SNX29: variants seen among roughly 807,000 people sequenced by gnomAD.
SNX29 encodes sorting nexin-29.
A neutral mutation model predicts 102.1 loss-of-function variants in SNX29; 78 were observed. That is an observed-to-expected ratio of 0.76 (90% CI 0.64 to 0.92). SNX29 has a LOEUF of 0.92. SNX29 is among the 40% of genes least tolerant of loss of function. The pLI is 0.00. For missense variants in SNX29, 1,280 were observed against 1,061.7 expected (o/e 1.21, Z -2.86); for synonymous variants, 580 against 414.5 (o/e 1.40, Z -4.85).
rs1268129239 is a variant in SNX29, at chr16:12,489,417, G to A, written c.2178+11558G>A. Among the ~76,000 whole-genome samples the A allele has an allele frequency of 2.0e-5, 3 of 152,286 alleles. No homozygotes were observed. The East Asian group carries it at 5.8e-4, about 29-fold the overall frequency. ...CTCGTCCTTCTCTGCAGTGTCATGG[G>A]CCACTTGCATCTTTAGAAACCATGC... On this transcript the variant is annotated intron_variant, in intron 19 of 20. Coordinates refer to ENST00000566228, the MANE Select transcript of SNX29 (RefSeq NM_032167.5).
chr16:12,481,894 A>T (rs1278666438), intron 19 of SNX29, among the ~76,000 whole-genome samples: 12 of 152,152 alleles, frequency 7.9e-5, no homozygotes, highest in Non-Finnish European at 1.8e-4. Context: ...TTTGGCTAAG[A>T]CATACCCACT....
intron 20 of SNX29, among the ~76,000 whole-genome samples, chr16:12,540,217 C>T (rs183606477): frequency 6.6e-6 from 1 of 152,222 alleles, no homozygotes; most frequent in Non-Finnish European, 1.5e-5. Flanking sequence ...TCAAGGTTAA[C>T]CTACTTCCTG....
intron 16 of SNX29, among the ~76,000 whole-genome samples, chr16:12,384,029 A>G (rs571489909): frequency 6.6e-6 from 1 of 152,226 alleles, no homozygotes; most frequent in Admixed American, 6.5e-5. Context: ...AGTTCCATCC[A>G]TGTTGTTGCA....
intron 13 of SNX29, among the ~76,000 whole-genome samples, chr16:12,159,945 G>C (rs1567263571): frequency 6.6e-6 from 1 of 152,214 alleles, no homozygotes; most frequent in African/African-American, 2.4e-5. Flanking sequence ...GCCACTTCCA[G>C]TCATAGGCAC....
At chr16:11,983,816 A>G in intron 1 of SNX29, 1 of 552,166 alleles carries the variant, frequency 1.8e-6, no homozygotes, top group Non-Finnish European at 2.3e-6. Flanking sequence ...ATTTCCAGAT[A>G]AAGCACCTTC....
chr16:12,531,516 G>A (rs921803754), intron 20 of SNX29, among the ~76,000 whole-genome samples: 1 of 152,206 alleles, frequency 6.6e-6, no homozygotes, highest in African/African-American at 2.4e-5. Context: ...CACTGTCTCA[G>A]GTGTGCAGCA....
intron 4 of SNX29, among the ~76,000 whole-genome samples, chr16:12,040,970 C>T (rs1460899144): frequency 6.6e-6 from 1 of 151,736 alleles, no homozygotes; most frequent in Non-Finnish European, 1.5e-5. Flanking sequence ...TGCGCCACCA[C>T]ACCCAGCTTT....
intron 20 of SNX29, among the ~76,000 whole-genome samples, chr16:12,549,122 A>C (rs2077798804): frequency 6.6e-6 from 1 of 152,162 alleles, no homozygotes; most frequent in African/African-American, 2.4e-5. Flanking sequence ...TAGCAGATGG[A>C]AAATTCTGGG....
At chr16:12,470,508 G>A (rs2087285696) in intron 18 of SNX29, among the ~76,000 whole-genome samples, 1 of 152,174 alleles carries the variant, frequency 6.6e-6, no homozygotes, top group South Asian at 2.1e-4. Context: ...CCGGCCTGCA[G>A]CCAGCAGAGA....
chr16:12,228,424 C>T (rs1311911810), intron 14 of SNX29, among the ~76,000 whole-genome samples: 3 of 152,234 alleles, frequency 2.0e-5, no homozygotes. Context: ...CTTTACCTTG[C>T]CTCCAGCACA....
At chr16:11,990,547 T>C (rs901811123) in intron 1 of SNX29, among the ~76,000 whole-genome samples, 5 of 152,080 alleles carry the variant, frequency 3.3e-5, no homozygotes, top group African/African-American at 1.2e-4. Flanking sequence ...AGTTTCTTTA[T>C]TTGGAATGGT....
intron 20 of SNX29, among the ~76,000 whole-genome samples, chr16:12,566,527 A>C (rs894414520): frequency 6.6e-6 from 1 of 152,204 alleles, no homozygotes; most frequent in Admixed American, 6.5e-5. Context: ...CCCGCATCTG[A>C]AGAGCATGAC....
At chr16:12,340,966 C>T (rs1368156429) in intron 15 of SNX29, among the ~76,000 whole-genome samples, 1 of 152,200 alleles carries the variant, frequency 6.6e-6, no homozygotes, top group Non-Finnish European at 1.5e-5. Flanking sequence ...TATGAGAACT[C>T]ATCCTACAGT....
In SNX29 at chr16:12,569,994, CAG is replaced by C. The variant is rs2079152269; in HGVS notation, c.*1366_*1367del. ...GGCTTGTCCTGGAACTGCTTCAACT[CAG>C]TGGCTTAAAATGAGAACTGCCCAGG... is the stretch of plus-strand genomic sequence containing the variant. On this transcript the variant is annotated 3_prime_UTR_variant, in exon 21 of 21. Coordinates refer to ENST00000566228, the MANE Select transcript of SNX29 (RefSeq NM_032167.5). 1.2e-5 allele frequency: 3 copies of C among 260,560 alleles called. No individual in the cohort carries two copies. Among genetic ancestry groups the C allele is most frequent in the Non-Finnish European group, 2.1e-5 (3 of 143,396 alleles). 16.1% of individuals were successfully genotyped at this position (260,560 alleles called of 1,614,324 possible). A position where few individuals can be genotyped will look rare whatever the true frequency, so the allele number is the denominator to read the frequency against.
intron 13 of SNX29, among the ~76,000 whole-genome samples, chr16:12,190,013 T>C (rs766079782): frequency 2.6e-5 from 4 of 152,214 alleles, no homozygotes; most frequent in Non-Finnish European, 4.4e-5. Context: ...GCTCCAGTTA[T>C]CAGTAATATA....
At chr16:12,560,955 C>T (rs565525461) in intron 20 of SNX29, 3 of 211,134 alleles carry the variant, frequency 1.4e-5, no homozygotes, top group African/African-American at 6.8e-5. Flanking sequence ...GAACCAGACC[C>T]AGACCTGCCT....
At chr16:12,302,579 T>C (rs146817314) in intron 15 of SNX29, among the ~76,000 whole-genome samples, 2 of 152,320 alleles carry the variant, frequency 1.3e-5, no homozygotes, top group African/African-American at 4.8e-5. Flanking sequence ...CTGGGGCCTT[T>C]TTTATAAGGG....
intron 18 of SNX29, among the ~76,000 whole-genome samples, chr16:12,410,902 CAG>C (rs2084371249): frequency 6.6e-6 from 1 of 152,210 alleles, no homozygotes; most frequent in African/African-American, 2.4e-5. Flanking sequence ...TTGCGTTTCT[CAG>C]CTCTTCCTTT....
chr16:12,482,388 A>G (rs184399206), intron 19 of SNX29, among the ~76,000 whole-genome samples: 5 of 152,088 alleles, frequency 3.3e-5, no homozygotes, highest in Admixed American at 3.3e-4. Flanking sequence ...CGCAGCCTCA[A>G]ACTCCTGGGT....
Sources: gnomAD v4.1 joint callset for allele counts (sites outside exome capture counted in the v4.1 genomes callset) on GRCh38, gnomAD v4.1.1 for gene constraint, MANE v1.5 for transcripts, NCBI Gene and HGNC (gene_info 2026-07-23, HGNC 2026-07-21) for gene names.